CARMIL1: variants seen among roughly 807,000 people sequenced by gnomAD.
CARMIL1 encodes the protein capping protein regulator and myosin 1 linker 1, also known as F-actin-uncapping protein LRRC16A.
Under a neutral mutation model 177.1 loss-of-function variants are expected in CARMIL1, and 90 were observed. That is an observed-to-expected ratio of 0.51 (90% CI 0.43 to 0.61). CARMIL1 has a LOEUF of 0.61. Among genes scored for constraint, CARMIL1 ranks in the 20% least tolerant of loss-of-function variants. The pLI is 0.00. For missense variants in CARMIL1, 1,380 were observed against 1,667.0 expected (o/e 0.83, Z 3.00); for synonymous variants, 577 against 606.2 (o/e 0.95, Z 0.71).
intron 5 of CARMIL1, among the ~76,000 whole-genome samples, chr6:25,441,337 A>ATATATATATGTGTGTG: frequency 4.5e-4 from 43 of 94,536 alleles, no homozygotes; most frequent in East Asian, 1.7e-3. Flanking sequence ...ATATATATAT[A>ATATATATATGTGTGTG]TGTGTGTGTG....
At chr6:25,532,878 C>T (rs890902125) in intron 24 of CARMIL1, among the ~76,000 whole-genome samples, 14 of 152,190 alleles carry the variant, frequency 9.2e-5, no homozygotes, top group African/African-American at 2.7e-4. Context: ...AGCTACTCAA[C>T]TCTGCTGCGA....
At chr6:25,321,132 CT>C (rs1424789988) in intron 2 of CARMIL1, among the ~76,000 whole-genome samples, 2 of 146,388 alleles carry the variant, frequency 1.4e-5, no homozygotes, top group Non-Finnish European at 3.0e-5. Context: ...GAGTACCTGT[CT>C]TTTCCAAAAC....
intron 2 of CARMIL1, among the ~76,000 whole-genome samples, chr6:25,305,176 A>T (rs1783166037): frequency 6.6e-6 from 1 of 152,212 alleles, no homozygotes. Context: ...GCATTTAAAG[A>T]GCCATTCTAA....
chr6:25,450,371 G>T lies in CARMIL1; in HGVS notation c.502G>T (p.Asp168Tyr). The T allele has an allele frequency of 6.2e-7, 1 of 1,613,812 alleles. No homozygotes were observed. Among genetic ancestry groups the T allele is most frequent in the South Asian group, 1.1e-5 (1 of 91,028 alleles). The stretch of plus-strand genomic sequence containing the variant: ...TTCTCAGATGTATGCCTGTGTTTGT[G>T]ACTGGCTTGGATTTTCATACAGGGA... Reference protein sequence around the residue: ...GFSQMYACVCDWLGFSYREEV... With the variant: ...GFSQMYACVCYWLGFSYREEV... The change falls in exon 7 of 37, where the codon GAC (aspartate) becomes TAC (tyrosine). Residue 168 changes from aspartate (D) to tyrosine (Y), a missense_variant. Physicochemically the swap from Asp to Tyr is radical, Grantham distance 160 (BLOSUM62 -3). Transcript: ENST00000329474.
At chr6:25,410,629 G>C (rs186717310) in intron 2 of CARMIL1, among the ~76,000 whole-genome samples, 9 of 152,228 alleles carry the variant, frequency 5.9e-5, no homozygotes, top group Admixed American at 4.6e-4. Context: ...CCTAGGCTTT[G>C]AATCTTGAGA....
At position 25,506,396 on chromosome 6, in the gene CARMIL1, A is replaced by G. The variant is rs140102738; in HGVS notation, c.1396-3260A>G. ...ACCCGTCTCTACTAAAACTACAAAA[A>G]TTAGCTAGGCATGGTAGTGCACGCC... is the stretch of plus-strand genomic sequence containing the variant. On this transcript the variant is annotated intron_variant, in intron 17 of 36. Transcript: ENST00000329474. 2.4e-4 allele frequency among the ~76,000 whole-genome samples: 37 copies of G among 152,252 alleles called. No homozygotes were observed. In the East Asian group the frequency reaches 7.2e-3, roughly 29 times the overall value.
At chr6:25,592,496 A>G (rs1319587223) in intron 31 of CARMIL1, among the ~76,000 whole-genome samples, 1 of 152,210 alleles carries the variant, frequency 6.6e-6, no homozygotes, top group African/African-American at 2.4e-5. Context: ...CTTGTGCAAC[A>G]TGTAGGAAAA....
At chr6:25,580,043 A>G (rs1812984262) in intron 29 of CARMIL1, among the ~76,000 whole-genome samples, 1 of 152,122 alleles carries the variant, frequency 6.6e-6, no homozygotes, top group East Asian at 1.9e-4. Context: ...ACATCCATCC[A>G]TCTCTATATG....
intron 1 of CARMIL1, among the ~76,000 whole-genome samples, chr6:25,281,098 A>G (rs368440161): frequency 6.6e-6 from 1 of 150,802 alleles, no homozygotes; most frequent in Admixed American, 6.6e-5. Flanking sequence ...AATTTACAGT[A>G]TGAAATTATT....
intron 23 of CARMIL1, 59 bp from the exon 24 acceptor site, chr6:25,528,736 A>G (rs1807413117): frequency 8.0e-7 from 1 of 1,249,434 alleles, no homozygotes; most frequent in South Asian, 1.3e-5. Context: ...TTTCACTTAT[A>G]CTTTATTCTC....
Position 25,537,958 on chromosome 6 carries a change from T to A in CARMIL1, c.2171T>A (p.Met724Lys). Residue 724 changes from methionine to lysine, a missense_variant, in exon 25 of 37, where the codon ATG becomes AAG. Physicochemically the swap from Met to Lys is moderately conservative, Grantham distance 95. Transcript: ENST00000329474. The stretch of plus-strand genomic sequence containing the variant: ...GATTTAAAATCAGCAGAGCGGCTCA[T>A]GCGTGATGCTAAGAACTCTAAAACG... The part of the protein sequence containing the change: ...QEDLKSAERL[M>K]RDAKNSKTLL... The A allele has an allele frequency of 6.2e-7, 1 of 1,604,024 alleles. No individual in the cohort carries two copies.
At chr6:25,437,065 A>T (rs1342066527) in intron 5 of CARMIL1, among the ~76,000 whole-genome samples, 1 of 152,200 alleles carries the variant, frequency 6.6e-6, no homozygotes, top group Non-Finnish European at 1.5e-5. Context: ...GTTCGACATC[A>T]TCCTTAAAGC....
intron 2 of CARMIL1, among the ~76,000 whole-genome samples, chr6:25,365,424 G>C (rs1789676958): frequency 6.6e-6 from 1 of 152,194 alleles, no homozygotes; most frequent in Non-Finnish European, 1.5e-5. Flanking sequence ...GCAAGAAGCT[G>C]TCAGTGCACT....
At chr6:25,450,037 GATA>G in intron 6 of CARMIL1, 42 bp downstream of exon 6, 1 of 1,482,228 alleles carries the variant, frequency 6.7e-7, no homozygotes. Flanking sequence ...TAGCTGGATG[GATA>G]TCCCCCTGCC....
intron 2 of CARMIL1, among the ~76,000 whole-genome samples, chr6:25,363,952 CT>C (rs1179548296): frequency 6.6e-6 from 1 of 151,728 alleles, no homozygotes; most frequent in African/African-American, 2.4e-5. Context: ...TCGTTTCTTT[CT>C]TTTTTTGAGA....
chr6:25,580,086 C>T (rs1183590377), intron 29 of CARMIL1, among the ~76,000 whole-genome samples: 1 of 152,146 alleles, frequency 6.6e-6, no homozygotes, highest in Non-Finnish European at 1.5e-5. Flanking sequence ...AGGATGCTGG[C>T]CTGACCCTCC....
chr6:25,365,961 G>A (rs960567879), intron 2 of CARMIL1, among the ~76,000 whole-genome samples: 2 of 150,986 alleles, frequency 1.3e-5, no homozygotes, highest in Non-Finnish European at 3.0e-5. Flanking sequence ...TCATTGAACC[G>A]CCTAGACATT....
chr6:25,450,291 A>G, intron 6 of CARMIL1, 48 bp from the exon 7 acceptor site: 2 of 1,330,448 alleles, frequency 1.5e-6, no homozygotes, highest in Non-Finnish European at 2.2e-6. Flanking sequence ...TTTTAATTTA[A>G]ACATCATTTT....
chr6:25,377,559 G>A (rs1325471579), intron 2 of CARMIL1, among the ~76,000 whole-genome samples: 1 of 152,182 alleles, frequency 6.6e-6, no homozygotes, highest in African/African-American at 2.4e-5. Context: ...CTGTCCTCAA[G>A]TATCCCAGCA....
Sources: allele counts gnomAD v4.1 joint callset (sites outside exome capture counted in the v4.1 genomes callset), GRCh38; gene constraint gnomAD v4.1.1; transcripts MANE v1.5; gene names NCBI Gene and HGNC (gene_info 2026-07-23, HGNC 2026-07-21).